Variants in TTLL11 observed in about 807,000 individuals in gnomAD.
TTLL11 encodes tubulin tyrosine ligase like 11.
Under a neutral mutation model 51.7 loss-of-function variants are expected in TTLL11, and 42 were observed. That is an observed-to-expected ratio of 0.81 (90% CI 0.64 to 1.05). The LOEUF (loss-of-function observed/expected upper bound fraction) is 1.05. Among genes scored for constraint, TTLL11 ranks in the 50% least tolerant of loss-of-function variants. The pLI is 0.00. For synonymous variants in TTLL11, 381 were observed against 383.5 expected (o/e 0.99, Z 0.08); for missense variants, 799 against 940.4 (o/e 0.85, Z 1.97).
chr9:121,864,910 G>T (rs1285601096), intron 7 of TTLL11, among the ~76,000 whole-genome samples: 1 of 152,102 alleles, frequency 6.6e-6, no homozygotes, highest in Non-Finnish European at 1.5e-5. Flanking sequence ...CCTATTTATA[G>T]AATTTCTTTT....
At chr9:121,893,811 T>C (rs1451739828) in intron 6 of TTLL11, among the ~76,000 whole-genome samples, 2 of 152,240 alleles carry the variant, frequency 1.3e-5, no homozygotes, top group African/African-American at 4.8e-5. Flanking sequence ...GGAGACATTC[T>C]GTCAGAAACT....
intron 1 of TTLL11, among the ~76,000 whole-genome samples, chr9:122,086,437 C>CA (rs1846128015): frequency 6.6e-6 from 1 of 150,930 alleles, no homozygotes; most frequent in Admixed American, 6.6e-5. Context: ...AAATATGGTG[C>CA]TTTTTTTTTA....
At position 121,822,986 on chromosome 9, in the gene TTLL11, C is replaced by T. The variant is rs916923075; in HGVS notation, c.1841-107G>A. On this transcript the variant is annotated intron_variant, in intron 8 of 8. Transcript: ENST00000321582. This position sits in a 1 kb window ranked among gnomAD's most constrained non-coding sequence, Gnocchi z 5.8. Reference sequence around the variant, plus strand: ...TGTCAGCAAGAGCTAGCCCCGCTCCCCACCACCGTCTCCATTCCAGAAACT... The same window carrying T: ...TGTCAGCAAGAGCTAGCCCCGCTCCTCACCACCGTCTCCATTCCAGAAACT... The T allele has an allele frequency of 2.2e-5, 28 of 1,261,150 alleles. No homozygotes were observed. The highest frequency in any genetic ancestry group is 7.8e-5 in the East Asian group (3 of 38,394). The allele number at this position is 1,261,150 out of a possible 1,614,324, so 78.1% of individuals were successfully genotyped here.
At chr9:121,860,165 G>T (rs889728115) in intron 8 of TTLL11, among the ~76,000 whole-genome samples, 172 bp downstream of exon 8, 2 of 152,186 alleles carry the variant, frequency 1.3e-5, no homozygotes, top group Non-Finnish European at 2.9e-5. Context: ...TGAGAATTCG[G>T]TAGCAGACAG....
intron 2 of TTLL11, among the ~76,000 whole-genome samples, chr9:122,038,713 A>T (rs1844765778): frequency 6.6e-6 from 1 of 152,208 alleles, no homozygotes; most frequent in Non-Finnish European, 1.5e-5. Context: ...TAGTGGAGTG[A>T]GAGGGATATC....
At chr9:121,970,167 T>C (rs1038193608) in intron 6 of TTLL11, among the ~76,000 whole-genome samples, 6 of 152,336 alleles carry the variant, frequency 3.9e-5, no homozygotes, top group African/African-American at 1.2e-4. Context: ...TGGTTATCAA[T>C]AAAAAAGTCA....
At chr9:121,843,530 G>A (rs1395402133) in intron 8 of TTLL11, among the ~76,000 whole-genome samples, 2 of 151,958 alleles carry the variant, frequency 1.3e-5, no homozygotes, top group Non-Finnish European at 2.9e-5. Context: ...GCCCCACCAG[G>A]TTCTCAAGAA....
chr9:121,938,124 C>T (rs1443247970), intron 6 of TTLL11, among the ~76,000 whole-genome samples: 2 of 152,092 alleles, frequency 1.3e-5, no homozygotes, highest in African/African-American at 4.8e-5. Flanking sequence ...CCGGTCTCTA[C>T]TAAAAATACA....
intron 6 of TTLL11, among the ~76,000 whole-genome samples, chr9:121,937,906 G>A (rs1172559350): frequency 6.6e-6 from 1 of 152,106 alleles, no homozygotes; most frequent in Non-Finnish European, 1.5e-5. Context: ...AGGATTGCAA[G>A]GATGGTATAA....
At chr9:122,016,726 A>G (rs1843994835) in intron 3 of TTLL11, among the ~76,000 whole-genome samples, 1 of 152,222 alleles carries the variant, frequency 6.6e-6, no homozygotes, top group African/African-American at 2.4e-5. Flanking sequence ...CTTCCCTCCA[A>G]GAAACTGCAA....
chr9:121,825,459 T>G (rs1836723661), intron 8 of TTLL11, among the ~76,000 whole-genome samples: 1 of 152,210 alleles, frequency 6.6e-6, no homozygotes, highest in African/African-American at 2.4e-5. Flanking sequence ...ATCACATTGT[T>G]TAGTGCTGTT....
At chr9:121,858,199 C>T (rs1264116596) in intron 8 of TTLL11, among the ~76,000 whole-genome samples, 1 of 152,352 alleles carries the variant, frequency 6.6e-6, no homozygotes, top group South Asian at 2.1e-4. Flanking sequence ...TAGAGGCACT[C>T]ATCTTGTTGA....
intron 6 of TTLL11, among the ~76,000 whole-genome samples, chr9:121,961,496 C>G (rs1428301065): frequency 1.3e-5 from 2 of 152,104 alleles, no homozygotes; most frequent in African/African-American, 2.4e-5. Flanking sequence ...AATTTACCCC[C>G]AAGAGTCTCG....
chr9:122,066,373 TG>T (rs1845582807), intron 1 of TTLL11, among the ~76,000 whole-genome samples: 1 of 150,636 alleles, frequency 6.6e-6, no homozygotes, highest in African/African-American at 2.4e-5. Flanking sequence ...GTGCAGGGGG[TG>T]GAGTGGGAGA....
intron 3 of TTLL11, among the ~76,000 whole-genome samples, chr9:122,004,292 G>A (rs1843572139): frequency 6.6e-6 from 1 of 152,028 alleles, no homozygotes; most frequent in Non-Finnish European, 1.5e-5. Flanking sequence ...CTGGGGGAAG[G>A]AAAGAGAAAG....
rs1051346596 is a variant in TTLL11, at chr9:121,995,755, A to G, written c.694-5985T>C. ...CATCGGAACCAGGCCAGGTTGTCCG[A>G]TATCTCCTACAGATGATTAATTCTG... On this transcript the variant is annotated intron_variant, in intron 3 of 8. Coordinates refer to ENST00000321582, the MANE Select transcript of TTLL11 (RefSeq NM_001139442.2). This position sits in a 1 kb window ranked among gnomAD's most constrained non-coding sequence, Gnocchi z 4.4. Among the ~76,000 whole-genome samples the G allele has an allele frequency of 1.1e-4, 17 of 152,324 alleles. No individual in the cohort carries two copies. Among genetic ancestry groups the G allele is most frequent in the African/African-American group, 3.8e-4 (16 of 41,568 alleles).
intron 8 of TTLL11, among the ~76,000 whole-genome samples, chr9:121,842,710 A>G (rs1837396291): frequency 6.6e-6 from 1 of 152,212 alleles, no homozygotes. Flanking sequence ...TTGATGACAA[A>G]TAACTGATCA....
intron 8 of TTLL11, among the ~76,000 whole-genome samples, chr9:121,852,120 C>G (rs577613188): frequency 2.6e-5 from 4 of 152,216 alleles, no homozygotes; most frequent in Non-Finnish European, 5.9e-5. Context: ...GTTTCCTCCT[C>G]TGTATATAGG....
At position 122,074,662 on chromosome 9, in the gene TTLL11, G is replaced by A. The variant is rs199607595; in HGVS notation, c.462+18025C>T. On this transcript the variant is annotated intron_variant, in intron 1 of 8. Coordinates refer to ENST00000321582, the MANE Select transcript of TTLL11 (RefSeq NM_001139442.2). ...CACACCTACAATCCCAGCACTTTGGGAGGCTGAGGCAGGAGGATTGCTTGA... is the reference window on the plus strand; with the variant it reads ...CACACCTACAATCCCAGCACTTTGGAAGGCTGAGGCAGGAGGATTGCTTGA... Among the ~76,000 whole-genome samples, 6 of 151,706 alleles carry A rather than the reference G, an allele frequency of 4.0e-5. No individual in the cohort carries two copies. In the East Asian group the frequency reaches 1.2e-3, roughly 29 times the overall value.
Sources: allele counts gnomAD v4.1 joint callset (sites outside exome capture counted in the v4.1 genomes callset), GRCh38; gene constraint gnomAD v4.1.1; non-coding constraint Gnocchi (gnomAD v3.1); transcripts MANE v1.5; gene names NCBI Gene and HGNC (gene_info 2026-07-23, HGNC 2026-07-21).